The following FBXO34 variants were observed in gnomAD, a reference collection of about 807,000 sequenced individuals.
FBXO34 encodes the protein F-box only protein 34.
FBXO34 carries 12 observed loss-of-function variants against 24.5 expected under a neutral mutation model. That is an observed-to-expected ratio of 0.49 (90% CI 0.31 to 0.79). FBXO34 has a LOEUF of 0.79. FBXO34 is among the 30% of genes least tolerant of loss of function. The pLI, the probability that FBXO34 is intolerant of heterozygous loss-of-function variation, is 0.04. For missense variants in FBXO34, 823 were observed against 857.7 expected (o/e 0.96, Z 0.51); for synonymous variants, 320 against 311.9 (o/e 1.03, Z -0.27).
chr14:55,392,498 A>T, the FBXO34 span, among the ~76,000 whole-genome samples: 1 of 151,986 alleles, frequency 6.6e-6, no homozygotes, highest in Non-Finnish European at 1.5e-5. Flanking sequence ...AAATACAAAA[A>T]ATTAGCCAGG....
At chr14:55,364,084 G>A (rs184647144), downstream of FBXO34, among the ~76,000 whole-genome samples, 1 of 152,042 alleles carries the variant, frequency 6.6e-6, no homozygotes, top group African/African-American at 2.4e-5. Context: ...CCGAGTAGCT[G>A]GGATAACAGG....
intron 1 of FBXO34, among the ~76,000 whole-genome samples, chr14:55,331,103 A>C (rs537361310): frequency 7.2e-5 from 11 of 152,258 alleles, no homozygotes; most frequent in African/African-American, 2.6e-4. Flanking sequence ...TTTTTTTTAG[A>C]CTTGTGAAAC....
the FBXO34 span, among the ~76,000 whole-genome samples, chr14:55,375,814 ATAG>A: frequency 6.6e-6 from 1 of 152,202 alleles, no homozygotes; most frequent in Non-Finnish European, 1.5e-5. Context: ...CACAGCACTG[ATAG>A]TAGGCATCCT....
chr14:55,384,827 A>C, the FBXO34 span, among the ~76,000 whole-genome samples: 1 of 152,234 alleles, frequency 6.6e-6, no homozygotes, highest in Non-Finnish European at 1.5e-5. Flanking sequence ...GAATAAACGG[A>C]AGCCTTCGGT....
chr14:55,381,926 CTA>C, the FBXO34 span: 1 of 1,558,016 alleles, frequency 6.4e-7, no homozygotes, highest in Non-Finnish European at 8.8e-7. Context: ...ATAACTCTCT[CTA>C]TATATAGATT....
chr14:55,354,810 G>A (rs79380532), downstream of FBXO34, among the ~76,000 whole-genome samples: 602 of 152,196 alleles, frequency 4.0e-3, 28 homozygotes, highest in East Asian at 0.1. Flanking sequence ...GCCCCCTAGT[G>A]CCAAGCTGGT....
intron 1 of FBXO34, among the ~76,000 whole-genome samples, chr14:55,294,659 T>G (rs1427043659): frequency 1.1e-4 from 16 of 152,260 alleles, no homozygotes. Context: ...TTCCATTATT[T>G]AAAAAGTAAT....
intron 1 of FBXO34, among the ~76,000 whole-genome samples, chr14:55,319,151 C>T (rs1344568154): frequency 6.6e-6 from 1 of 152,114 alleles, no homozygotes; most frequent in Non-Finnish European, 1.5e-5. Context: ...TAAGAAACTC[C>T]TGGATTCCTT....
the FBXO34 span, among the ~76,000 whole-genome samples, chr14:55,426,722 AAAAAG>A: frequency 1.5e-4 from 23 of 150,556 alleles, no homozygotes; most frequent in Admixed American, 2.7e-4. Context: ...TTAAAAAAAA[AAAAAG>A]AAAAGAAAAG....
intron 1 of FBXO34, among the ~76,000 whole-genome samples, chr14:55,320,632 C>T (rs1883098185): frequency 6.6e-6 from 1 of 152,128 alleles, no homozygotes; most frequent in Admixed American, 6.5e-5. Flanking sequence ...GTAGTGGGCG[C>T]CTGTAGTCCC....
At chr14:55,390,978 C>T in the FBXO34 span, 2 of 1,605,070 alleles carry the variant, frequency 1.2e-6, no homozygotes, top group Non-Finnish European at 1.7e-6. Context: ...TCTTGCAGGA[C>T]ATTATTTTCC....
chr14:55,391,071 A>C, the FBXO34 span: 1 of 890,056 alleles, frequency 1.1e-6, no homozygotes, highest in Non-Finnish European at 1.7e-6. Context: ...ATCACTGCTT[A>C]TTTTCAGATA....
the FBXO34 span, among the ~76,000 whole-genome samples, chr14:55,437,903 C>T: frequency 6.6e-6 from 1 of 152,116 alleles, no homozygotes; most frequent in Non-Finnish European, 1.5e-5. Flanking sequence ...GTTATTGAAA[C>T]TTAAATGGTA....
At chr14:55,327,908 GTTTTTTTTTTTTTTTTTT>G (rs386381425) in intron 1 of FBXO34, among the ~76,000 whole-genome samples, 41 of 48,732 alleles carry the variant, frequency 8.4e-4, no homozygotes, top group South Asian at 6.1e-3. Context: ...GTTGTTGTTG[GTTTTTTTTTTTTTTTTTT>G]TTTTTTTTTT....
At chr14:55,329,662 A>C (rs980109068) in intron 1 of FBXO34, among the ~76,000 whole-genome samples, 3 of 152,080 alleles carry the variant, frequency 2.0e-5, no homozygotes, top group Non-Finnish European at 2.9e-5. Context: ...ATATCTGTGG[A>C]CCTATTTTTT....
At chr14:55,302,461 T>TG (rs1047428328) in intron 1 of FBXO34, among the ~76,000 whole-genome samples, 8 of 150,878 alleles carry the variant, frequency 5.3e-5, no homozygotes, top group Non-Finnish European at 1.0e-4. Flanking sequence ...TTGTTTTTTT[T>TG]TTTTTTTTTA....
chr14:55,277,881 C>G (rs1316304713), intron 1 of FBXO34, among the ~76,000 whole-genome samples: 3 of 152,118 alleles, frequency 2.0e-5, no homozygotes, highest in Non-Finnish European at 2.9e-5. Context: ...GTAGCAAGAT[C>G]ATTTGCTTTA....
At chr14:55,399,865 C>T in the FBXO34 span, among the ~76,000 whole-genome samples, 2 of 152,210 alleles carry the variant, frequency 1.3e-5, no homozygotes, top group Non-Finnish European at 2.9e-5. Context: ...AGACAGACAA[C>T]TGTGTCTAGC....
the FBXO34 span, among the ~76,000 whole-genome samples, chr14:55,404,576 T>C: frequency 3.6e-4 from 55 of 152,286 alleles, no homozygotes; most frequent in East Asian, 9.4e-3. Context: ...GAAAACTCTT[T>C]TGCATTATGA....
Sources: gnomAD v4.1 joint callset for allele counts (sites outside exome capture counted in the v4.1 genomes callset) on GRCh38, gnomAD v4.1.1 for gene constraint, MANE v1.5 for transcripts, NCBI Gene and HGNC (gene_info 2026-07-23, HGNC 2026-07-21) for gene names.